Variants in JAM3 observed in about 807,000 individuals in gnomAD.
JAM3 encodes junctional adhesion molecule C.
Under a neutral mutation model 39.4 loss-of-function variants are expected in JAM3, and 31 were observed. The ratio of observed to expected loss-of-function variants is 0.79; its 90% CI spans 0.59 to 1.06. The LOEUF (loss-of-function observed/expected upper bound fraction) is 1.06, where lower values mean the gene tolerates loss of function less well. JAM3 is among the 50% of genes least tolerant of loss of function. JAM3 has a pLI of 0.00. For synonymous variants in JAM3, 182 were observed against 148.7 expected (o/e 1.22, Z -1.63); for missense variants, 455 against 391.4 (o/e 1.16, Z -1.37).
intron 1 of JAM3, among the ~76,000 whole-genome samples, chr11:134,085,527 C>T (rs1322104709): frequency 2.0e-5 from 3 of 152,122 alleles, no homozygotes; most frequent in Non-Finnish European, 4.4e-5. Flanking sequence ...TTTCTGTTCT[C>T]ATTCTTAACA....
chr11:134,137,593 C>T (rs140407374), intron 1 of JAM3, among the ~76,000 whole-genome samples: 3 of 152,068 alleles, frequency 2.0e-5, no homozygotes, highest in Non-Finnish European at 4.4e-5. Context: ...GGTGGTGCCT[C>T]GTCGAAGTCA....
intron 1 of JAM3, among the ~76,000 whole-genome samples, chr11:134,133,857 A>C (rs1347396897): frequency 6.6e-6 from 1 of 152,194 alleles, no homozygotes; most frequent in Non-Finnish European, 1.5e-5. Context: ...GCTTTCAGCA[A>C]AAAGTACAAG....
chr11:134,148,856 AG>A (rs1258677333), intron 8 of JAM3, 38 bp downstream of exon 8: 1 of 1,604,316 alleles, frequency 6.2e-7, no homozygotes, highest in Non-Finnish European at 8.5e-7. Context: ...AGGTGTACCC[AG>A]CAGGGAAAAC....
At chr11:134,074,672 A>T (rs1391463093) in intron 1 of JAM3, among the ~76,000 whole-genome samples, 2 of 152,188 alleles carry the variant, frequency 1.3e-5, no homozygotes, top group African/African-American at 4.8e-5. Flanking sequence ...AAACGATCTG[A>T]GTAATGGCCT....
intron 1 of JAM3, among the ~76,000 whole-genome samples, chr11:134,072,724 A>T (rs1941502124): frequency 6.6e-6 from 1 of 152,234 alleles, no homozygotes; most frequent in Admixed American, 6.5e-5. Flanking sequence ...ATCTTGGCCA[A>T]CATGATGAAG....
intron 1 of JAM3, among the ~76,000 whole-genome samples, chr11:134,090,513 G>A (rs1359301631): frequency 6.6e-6 from 1 of 152,206 alleles, no homozygotes; most frequent in Non-Finnish European, 1.5e-5. Flanking sequence ...CAAACAAGCT[G>A]AGTAAAAGTA....
chr11:134,140,881 G>T, intron 3 of JAM3, 111 bp downstream of exon 3: 1 of 1,362,582 alleles, frequency 7.3e-7, no homozygotes, highest in Non-Finnish European at 9.8e-7. Flanking sequence ...CTGTAGCTAG[G>T]ACCGTTTTTT....
At chr11:134,118,558 C>G (rs1942478998) in intron 1 of JAM3, among the ~76,000 whole-genome samples, 1 of 152,080 alleles carries the variant, frequency 6.6e-6, no homozygotes, top group Non-Finnish European at 1.5e-5. Context: ...CTCTCTTTGT[C>G]TCTGGCCTCC....
At chr11:134,126,263 C>T (rs1942646908) in intron 1 of JAM3, 2 of 152,180 alleles carry the variant, frequency 1.3e-5, no homozygotes, top group African/African-American at 4.8e-5. Context: ...GGCTCTCTAC[C>T]CTGCATTTGC....
At chr11:134,071,898 A>G (rs527521594) in intron 1 of JAM3, among the ~76,000 whole-genome samples, 2 of 152,256 alleles carry the variant, frequency 1.3e-5, no homozygotes, top group Admixed American at 6.5e-5. Context: ...TCATTCCCAC[A>G]TGACTTGTTG....
Position 134,107,101 on chromosome 11 carries a change from G to C in JAM3, c.77-32750G>C, listed in dbSNP as rs1413889139. Among the ~76,000 whole-genome samples the C allele has an allele frequency of 3.9e-5, 6 of 152,198 alleles. No individual in the cohort carries two copies. The East Asian group carries it at 1.2e-3, about 29-fold the overall frequency. On this transcript the variant is annotated intron_variant, in intron 1 of 8. Transcript: ENST00000299106. The stretch of plus-strand genomic sequence containing the variant: ...CCAACCCAAATGTCCATCAATGATA[G>C]ACTGGATTAAGAAAATGTGGCACAT...
intron 1 of JAM3, among the ~76,000 whole-genome samples, chr11:134,125,314 G>C (rs1248621927): frequency 6.6e-6 from 1 of 152,192 alleles, no homozygotes; most frequent in African/African-American, 2.4e-5. Context: ...CATGTCAGAG[G>C]CTTTTTTTAG....
At chr11:134,115,010 T>C (rs1412548366) in intron 1 of JAM3, among the ~76,000 whole-genome samples, 1 of 152,250 alleles carries the variant, frequency 6.6e-6, no homozygotes, top group Non-Finnish European at 1.5e-5. Context: ...TTGCATAATA[T>C]ATTTTGAAGC....
At chr11:134,138,324 G>A (rs1289615998) in intron 1 of JAM3, among the ~76,000 whole-genome samples, 2 of 145,886 alleles carry the variant, frequency 1.4e-5, no homozygotes, top group East Asian at 4.0e-4. Flanking sequence ...GTGGCGTCTG[G>A]TCGAAGTCGT....
At chr11:134,137,444 T>G (rs934549105) in intron 1 of JAM3, among the ~76,000 whole-genome samples, 1 of 152,220 alleles carries the variant, frequency 6.6e-6, no homozygotes, top group Non-Finnish European at 1.5e-5. Flanking sequence ...TCTCTTGGCT[T>G]CATACTTCTT....
intron 1 of JAM3, 21 bp downstream of exon 1, chr11:134,069,180 T>C: frequency 6.2e-7 from 1 of 1,611,390 alleles, no homozygotes; most frequent in East Asian, 2.2e-5. Flanking sequence ...GCGTTTCCGC[T>C]GTTGGGAGAC....
chr11:134,075,901 A>G (rs988825802), intron 1 of JAM3, among the ~76,000 whole-genome samples: 1 of 152,038 alleles, frequency 6.6e-6, no homozygotes, highest in Admixed American at 6.6e-5. Context: ...CTGTCCTTCA[A>G]TACTGTTAAC....
At chr11:134,132,152 C>G (rs1942781706) in intron 1 of JAM3, among the ~76,000 whole-genome samples, 1 of 152,136 alleles carries the variant, frequency 6.6e-6, no homozygotes. Context: ...TCAAACTTGA[C>G]AAAGAGAAAT....
chr11:134,072,251 A>T (rs116205587), intron 1 of JAM3, among the ~76,000 whole-genome samples: 1,550 of 152,254 alleles, frequency 0.01, 22 homozygotes, highest in African/African-American at 0.035. Flanking sequence ...AGAAAGGAAA[A>T]TATGTGTGAA....
Sources: gnomAD v4.1 joint callset for allele counts (sites outside exome capture counted in the v4.1 genomes callset) on GRCh38, gnomAD v4.1.1 for gene constraint, MANE v1.5 for transcripts, NCBI Gene and HGNC (gene_info 2026-07-23, HGNC 2026-07-21) for gene names.